The following NSRP1 variants were observed in gnomAD, a reference collection of about 807,000 sequenced individuals.
NSRP1 encodes nuclear speckle splicing regulatory protein 1.
Under a neutral mutation model 54.7 loss-of-function variants are expected in NSRP1, and 24 were observed. The observed-to-expected ratio is 0.44, with a 90% confidence interval of 0.32 to 0.62. NSRP1 has a LOEUF of 0.62. NSRP1 is among the 20% of genes least tolerant of loss of function. The pLI, the probability that NSRP1 is intolerant of heterozygous loss-of-function variation, is 0.06. For missense variants in NSRP1, 596 were observed against 651.2 expected, an observed-to-expected ratio of 0.92 and a Z score of 0.92; for synonymous variants, 210 against 213.8, an observed-to-expected ratio of 0.98 and a Z score of 0.15.
rs75604426 is a variant in NSRP1 at position 30,174,088 on chromosome 17, A to G, written c.171+1490A>G. On this transcript the variant is annotated intron_variant, in intron 3 of 6. Coordinates refer to ENST00000247026, the MANE Select transcript of NSRP1 (RefSeq NM_032141.4). ...ATAAATGGGAGACTTAGTTCTGGAG[A>G]GTTGGGTAACTTATCCAAGGTAATA... 9.4e-3 allele frequency among the ~76,000 whole-genome samples: 1,436 copies of G among 152,318 alleles called. 22 individuals are homozygous for G. The highest frequency in any genetic ancestry group is 0.033 in the African/African-American group (1,367 of 41,560).
chr17:30,185,493 AAC>A lies in NSRP1; in HGVS notation c.1500_1501del (p.His500GlnfsTer11). On this transcript the variant is annotated frameshift_variant, in exon 7 of 7. Transcript: ENST00000247026. LOFTEE classifies it high-confidence loss of function. Reference sequence around the variant, plus strand: ...AATTCTGAATCATCACTGGGAGCAAAACACAGACTCACAGAGGAAGGGCAAGA... The same window carrying A: ...AATTCTGAATCATCACTGGGAGCAAAACAGACTCACAGAGGAAGGGCAAGA... 1.2e-6 allele frequency: 2 copies of A among 1,613,746 alleles called. No individual in the cohort carries two copies. Among genetic ancestry groups the A allele is most frequent in the Non-Finnish European group, 1.7e-6 (2 of 1,179,936 alleles).
intron 2 of NSRP1, among the ~76,000 whole-genome samples, chr17:30,131,606 A>G (rs1242954847): frequency 1.3e-5 from 2 of 152,216 alleles, no homozygotes; most frequent in African/African-American, 4.8e-5. Context: ...GCTAATGATC[A>G]TGTGAGCCTT....
intron 2 of NSRP1, among the ~76,000 whole-genome samples, chr17:30,161,080 A>G (rs953252492): frequency 1.3e-5 from 2 of 152,222 alleles, no homozygotes; most frequent in East Asian, 3.8e-4. Context: ...GACTTGATAC[A>G]TGATGTGAAT....
intron 2 of NSRP1, among the ~76,000 whole-genome samples, chr17:30,141,882 T>C (rs1036819529): frequency 1.3e-5 from 2 of 152,284 alleles, no homozygotes; most frequent in South Asian, 2.1e-4. Context: ...CCCGCACTTG[T>C]AGTCCCAGCT....
intron 2 of NSRP1, among the ~76,000 whole-genome samples, chr17:30,139,675 G>A (rs1317751633): frequency 2.0e-5 from 3 of 151,838 alleles, no homozygotes; most frequent in Non-Finnish European, 4.4e-5. Context: ...AATGGGGGTA[G>A]TCCTTGGGAG....
rs1057398309 is a variant in NSRP1 at position 30,138,602 on chromosome 17, T to C, written c.114+20429T>C. Among the ~76,000 whole-genome samples, 19 of 152,314 alleles carry C rather than the reference T, an allele frequency of 1.2e-4. No homozygotes were observed. The South Asian group carries it at 1.4e-3, about 12-fold the overall frequency. The stretch of plus-strand genomic sequence containing the variant: ...ATCTTCAGTACAGGCAGTTTTTTTT[T>C]CCAAATATTTTCAAACCATGGTTGG... On this transcript the variant is annotated intron_variant, in intron 2 of 6. Transcript: ENST00000247026.
At chr17:30,173,299 CT>C (rs1361621068) in intron 3 of NSRP1, among the ~76,000 whole-genome samples, 3 of 152,080 alleles carry the variant, frequency 2.0e-5, no homozygotes, top group Non-Finnish European at 4.4e-5. Flanking sequence ...TTTCCAAGTG[CT>C]TTTTACATAC....
At chr17:30,132,970 C>T (rs1325047169) in intron 2 of NSRP1, among the ~76,000 whole-genome samples, 3 of 152,140 alleles carry the variant, frequency 2.0e-5, no homozygotes, top group East Asian at 3.9e-4. Flanking sequence ...GACAAGGTCT[C>T]GCTTTGTCAC....
chr17:30,170,071 C>T (rs1037853057), intron 2 of NSRP1, among the ~76,000 whole-genome samples: 1 of 151,684 alleles, frequency 6.6e-6, no homozygotes, highest in African/African-American at 2.4e-5. Context: ...GCCCTTGCCC[C>T]CACAAATGAA....
intron 6 of NSRP1, among the ~76,000 whole-genome samples, chr17:30,183,231 A>AAG (rs35687485): frequency 4.5e-4 from 68 of 150,928 alleles, no homozygotes; most frequent in Middle Eastern, 3.4e-3. Context: ...AAAAAAAAAA[A>AAG]TTTTTTTTAA....
chr17:30,119,202 G>T (rs1229063256), intron 2 of NSRP1, among the ~76,000 whole-genome samples: 2 of 151,744 alleles, frequency 1.3e-5, no homozygotes, highest in Admixed American at 6.6e-5. Context: ...TGATTCTCCT[G>T]CTTCAATCTC....
At chr17:30,117,048 C>A in intron 1 of NSRP1, 185 bp downstream of exon 1, 1 of 831,412 alleles carries the variant, frequency 1.2e-6, no homozygotes. Flanking sequence ...CGGATGGAAG[C>A]CCGAAGTTTG....
intron 2 of NSRP1, among the ~76,000 whole-genome samples, chr17:30,129,745 C>T (rs1481095106): frequency 4.6e-5 from 7 of 152,102 alleles, no homozygotes; most frequent in Non-Finnish European, 8.8e-5. Flanking sequence ...TAATGCCTTA[C>T]TTCTGTAGAT....
At chr17:30,154,082 C>T (rs182692262) in intron 2 of NSRP1, among the ~76,000 whole-genome samples, 5 of 151,548 alleles carry the variant, frequency 3.3e-5, no homozygotes, top group South Asian at 2.1e-4. Flanking sequence ...TTTGGGAGGC[C>T]GAGGCAGGAG....
chr17:30,153,347 T>C (rs1278431195), intron 2 of NSRP1, among the ~76,000 whole-genome samples: 1 of 152,236 alleles, frequency 6.6e-6, no homozygotes, highest in Admixed American at 6.5e-5. Flanking sequence ...GGTTGAATTT[T>C]CTTTTCCTAG....
At chr17:30,175,911 G>A (rs1057231457) in intron 3 of NSRP1, among the ~76,000 whole-genome samples, 7 of 151,962 alleles carry the variant, frequency 4.6e-5, no homozygotes, top group Non-Finnish European at 7.4e-5. Flanking sequence ...GCTGAGGCAG[G>A]AGAGTCACTT....
chr17:30,146,991 G>A (rs2071861506), intron 2 of NSRP1, among the ~76,000 whole-genome samples: 1 of 152,180 alleles, frequency 6.6e-6, no homozygotes, highest in Non-Finnish European at 1.5e-5. Flanking sequence ...CAAGTTTTCA[G>A]TAGTATGTTG....
In NSRP1 at chr17:30,172,588, C is replaced by A; in HGVS notation, c.161C>A (p.Ala54Asp). The A allele has an allele frequency of 6.2e-7, 1 of 1,609,804 alleles. No individual in the cohort carries two copies. The highest frequency in any genetic ancestry group is 1.1e-5 in the South Asian group (1 of 90,648). Residue 54 changes from alanine to aspartate, a missense_variant, in exon 3 of 7, where the codon GCC becomes GAC. Ala to Asp is a moderately radical substitution (Grantham distance 126, BLOSUM62 -2). Transcript: ENST00000247026. ...SLQREAAKKQ[A>D]MKQTKLEIQK... ...CAGAGGGAAGCTGCTAAGAAGCAGGCCATGAAACAGGTAAGGTAGAAGACT... is the reference window on the plus strand; with the variant it reads ...CAGAGGGAAGCTGCTAAGAAGCAGGACATGAAACAGGTAAGGTAGAAGACT...
chr17:30,133,228 C>T (rs966578301), intron 2 of NSRP1, among the ~76,000 whole-genome samples: 3 of 151,140 alleles, frequency 2.0e-5, no homozygotes, highest in African/African-American at 7.3e-5. Context: ...GCTGGGGTTA[C>T]AGGTATGAGC....
Sources: gnomAD v4.1 joint callset for allele counts (sites outside exome capture counted in the v4.1 genomes callset) on GRCh38, gnomAD v4.1.1 for gene constraint, MANE v1.5 for transcripts, NCBI Gene and HGNC (gene_info 2026-07-23, HGNC 2026-07-21) for gene names.